PCDH11X: variants seen among roughly 807,000 people sequenced by gnomAD.
PCDH11X encodes the protein protocadherin 11 X-linked, also known as protocadherin-11 X-linked.
Under a neutral mutation model 53.3 loss-of-function variants are expected in PCDH11X, and 18 were observed. That is an observed-to-expected ratio of 0.34 (90% CI 0.23 to 0.50). The LOEUF (loss-of-function observed/expected upper bound fraction) is 0.50, where lower values mean the gene tolerates loss of function less well. PCDH11X is among the 20% of genes least tolerant of loss of function. The pLI is 0.98. For missense variants in PCDH11X, 570 were observed against 1,032.4 expected, an observed-to-expected ratio of 0.55 and a Z score of 6.14; for synonymous variants, 279 against 393.3, an observed-to-expected ratio of 0.71 and a Z score of 3.44.
At chrX:92,607,992 A>C (rs1314697568) in intron 10 of PCDH11X, among the ~76,000 whole-genome samples, 2 of 111,293 alleles carry the variant, frequency 1.8e-5, no homozygotes, top group Non-Finnish European at 3.8e-5. Flanking sequence ...TAAATAAAGA[A>C]AGATAAATGG....
At chrX:91,922,557 G>A (rs184054694) in intron 6 of PCDH11X, among the ~76,000 whole-genome samples, 2 of 111,979 alleles carry the variant, frequency 1.8e-5, no homozygotes, top group Admixed American at 9.5e-5. Context: ...ACTCTCCATG[G>A]CTTTCATTAC....
intron 10 of PCDH11X, among the ~76,000 whole-genome samples, chrX:92,552,130 G>T (rs1287593394): frequency 8.1e-5 from 8 of 98,738 alleles, no homozygotes; most frequent in Non-Finnish European, 1.0e-4. Flanking sequence ...TCTGTAGATT[G>T]CTTTGAGTAT....
rs1366640920 is a variant in PCDH11X, at chrX:92,505,213, T to C, written c.3367+36891T>C. The stretch of plus-strand genomic sequence containing the variant: ...GCACTTTAGTTTAATTAAGTCACAC[T>C]TGTCTTTTTTTTTTTTTTTTTGGCA... On this transcript the variant is annotated intron_variant, in intron 10 of 10. Transcript: ENST00000682573. Among the ~76,000 whole-genome samples the C allele has an allele frequency of 3.3e-3, 201 of 60,470 alleles. 5 individuals carry two copies. The highest frequency in any genetic ancestry group is 0.012 in the African/African-American group (197 of 16,488). 52.5% of individuals were successfully genotyped at this position (60,470 alleles called of 115,157 possible). A position where few individuals can be genotyped will look rare whatever the true frequency, so the allele number is the denominator to read the frequency against.
chrX:92,553,204 G>A (rs772448918), intron 10 of PCDH11X, among the ~76,000 whole-genome samples: 3 of 74,241 alleles, frequency 4.0e-5, no homozygotes, highest in South Asian at 7.9e-4. Flanking sequence ...CGGGTCTCGG[G>A]CTTTTTTAAC....
At chrX:92,316,632 C>G (rs2069082623) in intron 8 of PCDH11X, among the ~76,000 whole-genome samples, 1 of 110,439 alleles carries the variant, frequency 9.1e-6, no homozygotes, top group Non-Finnish European at 1.9e-5. Flanking sequence ...ACAGTAAGGT[C>G]AGGAAATGTT....
intron 7 of PCDH11X, among the ~76,000 whole-genome samples, chrX:92,258,370 T>TC (rs1161787009): frequency 1.1e-5 from 1 of 94,235 alleles, no homozygotes; most frequent in Admixed American, 1.1e-4. Context: ...CAAATTTCTT[T>TC]TTTTTTTTTT....
chrX:92,158,124 G>T (rs2065573022), intron 6 of PCDH11X, among the ~76,000 whole-genome samples: 1 of 111,483 alleles, frequency 9.0e-6, no homozygotes, highest in South Asian at 3.8e-4. Flanking sequence ...GCTGAGGCAG[G>T]AGAATTGCCT....
At chrX:92,276,363 G>A (rs1911850549) in intron 8 of PCDH11X, among the ~76,000 whole-genome samples, 1 of 109,059 alleles carries the variant, frequency 9.2e-6, no homozygotes, top group Non-Finnish European at 1.9e-5. Flanking sequence ...GTCAGTCAGA[G>A]AGCCTTGGGC....
chrX:92,566,231 A>C (rs1921458757), intron 10 of PCDH11X, among the ~76,000 whole-genome samples: 1 of 110,699 alleles, frequency 9.0e-6, no homozygotes, highest in South Asian at 3.8e-4. Context: ...TCTGGTAGAC[A>C]CAAGAGAGTA....
At chrX:92,113,671 C>T (rs1395827770) in intron 6 of PCDH11X, 44 of 1,199,529 alleles carry the variant, frequency 3.7e-5, no homozygotes, top group Non-Finnish European at 4.5e-5. Flanking sequence ...ATACAAGTCA[C>T]ATAGTGTGTC....
chrX:91,957,628 A>G (rs1353385222), intron 6 of PCDH11X, among the ~76,000 whole-genome samples: 1 of 111,259 alleles, frequency 9.0e-6, no homozygotes, highest in Admixed American at 9.5e-5. Flanking sequence ...GATAACAGCC[A>G]GATCCTTCCT....
chrX:92,515,648 T>G (rs994758722), intron 10 of PCDH11X, among the ~76,000 whole-genome samples: 5 of 112,286 alleles, frequency 4.5e-5, no homozygotes, highest in African/African-American at 1.6e-4. Flanking sequence ...GTGTGTGGCA[T>G]TTTAGCATTA....
chrX:92,202,218 A>G (rs1481352008), intron 7 of PCDH11X, among the ~76,000 whole-genome samples: 1 of 111,536 alleles, frequency 9.0e-6, no homozygotes, highest in Non-Finnish European at 1.9e-5. Flanking sequence ...GAGAGGGGCC[A>G]CATGTGCAGT....
rs536636835 is a variant in PCDH11X at position 92,614,835 on chromosome X, G to A, written c.3368-3429G>A. On this transcript the variant is annotated intron_variant, in intron 10 of 10. Coordinates refer to ENST00000682573, the MANE Select transcript of PCDH11X (RefSeq NM_032968.5). ...CTAAATTCCTAATCCAGGTCGGAGA[G>A]CGAGTGCTCCACATGCCTAGAGATA... 6.2e-5 allele frequency among the ~76,000 whole-genome samples: 7 copies of A among 112,013 alleles called. No homozygotes were observed. The South Asian group carries it at 2.6e-3, about 42-fold the overall frequency.
chrX:92,463,411 G>A (rs916210103), intron 9 of PCDH11X, among the ~76,000 whole-genome samples: 15 of 109,955 alleles, frequency 1.4e-4, no homozygotes, highest in African/African-American at 5.0e-4. Flanking sequence ...TTTTCCTTGA[G>A]CAAATAGTTT....
At position 91,822,371 on chromosome X, in the gene PCDH11X, A is replaced by T. The variant is rs1223870178; in HGVS notation, c.-45+11076A>T. Among the ~76,000 whole-genome samples, 3 of 107,504 alleles carry T rather than the reference A, an allele frequency of 2.8e-5. No homozygotes were observed. The East Asian group carries it at 8.9e-4, about 32-fold the overall frequency. 93.4% of individuals were successfully genotyped at this position (107,504 alleles called of 115,157 possible). On this transcript the variant is annotated intron_variant, in intron 4 of 10. Transcript: ENST00000682573. ...TTCAGATCCTGTTATTGGTCTATTC[A>T]GAGATTCAACTTCTTCCTGGTTTAG...
At chrX:92,048,768 A>G (rs1409687262) in intron 6 of PCDH11X, among the ~76,000 whole-genome samples, 1 of 112,414 alleles carries the variant, frequency 8.9e-6, no homozygotes, top group Non-Finnish European at 1.9e-5. Context: ...TGAGCCAAAT[A>G]TCAGTGACCA....
At chrX:92,464,489 C>T (rs2073118559) in intron 9 of PCDH11X, among the ~76,000 whole-genome samples, 1 of 110,700 alleles carries the variant, frequency 9.0e-6, no homozygotes, top group African/African-American at 3.3e-5. Flanking sequence ...CTTTTCCTTC[C>T]ACCATGATGG....
intron 7 of PCDH11X, among the ~76,000 whole-genome samples, chrX:92,239,111 C>T (rs12116136): frequency 0.054 from 5,959 of 110,783 alleles, 211 homozygotes; most frequent in East Asian, 0.23. Flanking sequence ...ATGTATGTCT[C>T]GTATATTAGA....
Sources: allele counts gnomAD v4.1 joint callset (sites outside exome capture counted in the v4.1 genomes callset), GRCh38; gene constraint gnomAD v4.1.1; transcripts MANE v1.5; gene names NCBI Gene and HGNC (gene_info 2026-07-23, HGNC 2026-07-21).